The following LRP1B variants were observed in gnomAD, a reference collection of about 807,000 sequenced individuals.
The protein encoded by LRP1B is LDL receptor related protein 1B.
In LRP1B, 217 loss-of-function variants were observed where a neutral mutation model predicts 556.6. That is an observed-to-expected ratio of 0.39 (90% CI 0.35 to 0.44). The LOEUF (loss-of-function observed/expected upper bound fraction) is 0.44, where lower values mean the gene tolerates loss of function less well. Among genes scored for constraint, LRP1B ranks in the 20% least tolerant of loss-of-function variants. The probability of loss-of-function intolerance (pLI) is 1.00; values close to 1 mark genes in which losing one functional copy is unlikely to be tolerated. For missense variants in LRP1B, 5,053 were observed against 5,620.8 expected, an observed-to-expected ratio of 0.90 and a Z score of 3.23; for synonymous variants, 2,047 against 1,865.8, an observed-to-expected ratio of 1.10 and a Z score of -2.50.
chr2:141,980,134 C>G (rs748516375), intron 1 of LRP1B, among the ~76,000 whole-genome samples: 4 of 152,102 alleles, frequency 2.6e-5, no homozygotes, highest in African/African-American at 4.8e-5. Flanking sequence ...GAAACAGAAG[C>G]TGAACTGCTT....
intron 21 of LRP1B, among the ~76,000 whole-genome samples, chr2:140,919,540 C>G (rs1694676816): frequency 6.6e-6 from 1 of 152,006 alleles, no homozygotes. Context: ...CCAGTAATGC[C>G]TGCCTCCAGA....
At chr2:142,027,500 C>T (rs1170390889) in intron 1 of LRP1B, among the ~76,000 whole-genome samples, 1 of 151,598 alleles carries the variant, frequency 6.6e-6, no homozygotes, top group Non-Finnish European at 1.5e-5. Flanking sequence ...TGGGATAAAA[C>T]GTGAATGACA....
chr2:140,303,036 TA>T, intron 83 of LRP1B, among the ~76,000 whole-genome samples: 1 of 130,534 alleles, frequency 7.7e-6, no homozygotes, highest in Admixed American at 7.4e-5. Context: ...TATATATATA[TA>T]TATATATATA....
intron 3 of LRP1B, among the ~76,000 whole-genome samples, chr2:141,466,678 G>A (rs750835682): frequency 6.6e-6 from 1 of 152,016 alleles, no homozygotes; most frequent in Non-Finnish European, 1.5e-5. Context: ...GGCTGCAGTG[G>A]CCATTTTTTG....
At chr2:141,415,293 G>A (rs919657699) in intron 3 of LRP1B, among the ~76,000 whole-genome samples, 7 of 152,016 alleles carry the variant, frequency 4.6e-5, no homozygotes, top group South Asian at 4.1e-4. Flanking sequence ...GATTACAGGC[G>A]TGAGCCACCA....
chr2:140,568,874 A>T (rs939631445), intron 43 of LRP1B, among the ~76,000 whole-genome samples: 5 of 152,048 alleles, frequency 3.3e-5, no homozygotes, highest in Non-Finnish European at 7.4e-5. Flanking sequence ...CCAGCCAAAA[A>T]ATTATGCCAA....
At chr2:140,366,122 G>C (rs1682747971) in intron 71 of LRP1B, among the ~76,000 whole-genome samples, 1 of 151,670 alleles carries the variant, frequency 6.6e-6, no homozygotes, top group Admixed American at 6.6e-5. Flanking sequence ...GAAATGAAGA[G>C]AGAGACAGTA....
chr2:140,287,013 TGTTA>T (rs940785021), intron 84 of LRP1B, among the ~76,000 whole-genome samples: 6 of 151,910 alleles, frequency 3.9e-5, no homozygotes, highest in South Asian at 4.1e-4. Flanking sequence ...GAATACTGTT[TGTTA>T]GTTCATATAT....
At chr2:141,300,235 AG>A (rs1413227653) in intron 3 of LRP1B, among the ~76,000 whole-genome samples, 2 of 152,216 alleles carry the variant, frequency 1.3e-5, no homozygotes, top group Non-Finnish European at 2.9e-5. Context: ...CTGTGATATC[AG>A]CTAAAACTGA....
At chr2:140,368,725 G>A (rs948044916) in intron 71 of LRP1B, among the ~76,000 whole-genome samples, 1 of 151,742 alleles carries the variant, frequency 6.6e-6, no homozygotes, top group Admixed American at 6.6e-5. Context: ...TATCCTGATT[G>A]GAAATGAATA....
chr2:141,096,627 GGGGAGAGAGAGAGAGAGAGAGAGA>G (rs1197620162), intron 7 of LRP1B, among the ~76,000 whole-genome samples: 40 of 50,548 alleles, frequency 7.9e-4, no homozygotes, highest in Middle Eastern at 0.014. Flanking sequence ...ACGGGGAGAG[GGGGAGAGAGAGAGAGAGAGAGAGA>G]GAGAGAGAGA....
At chr2:140,389,517 AAACT>A (rs546307102) in intron 66 of LRP1B, among the ~76,000 whole-genome samples, 206 of 151,068 alleles carry the variant, frequency 1.4e-3, no homozygotes, top group African/African-American at 4.2e-3. Flanking sequence ...AAAATGAAAC[AAACT>A]AACAATGGTA....
At chr2:141,582,676 T>C (rs1385905375) in intron 2 of LRP1B, among the ~76,000 whole-genome samples, 4 of 151,990 alleles carry the variant, frequency 2.6e-5, no homozygotes, top group Non-Finnish European at 5.9e-5. Context: ...ACCATATGTG[T>C]TACAGTATTG....
chr2:141,991,631 A>G (rs1403759814), intron 1 of LRP1B, among the ~76,000 whole-genome samples: 1 of 152,054 alleles, frequency 6.6e-6, no homozygotes, highest in Non-Finnish European at 1.5e-5. Context: ...CTTAAAAATC[A>G]ATCTCAATAA....
At chr2:141,096,164 A>G (rs1216452393) in intron 7 of LRP1B, among the ~76,000 whole-genome samples, 1 of 152,188 alleles carries the variant, frequency 6.6e-6, no homozygotes, top group Admixed American at 6.5e-5. Flanking sequence ...ATATGTTATA[A>G]TAAATTAGGT....
At chr2:141,805,168 G>A (rs1696131006) in intron 2 of LRP1B, among the ~76,000 whole-genome samples, 1 of 152,054 alleles carries the variant, frequency 6.6e-6, no homozygotes, top group Non-Finnish European at 1.5e-5. Flanking sequence ...TAACAGAGAG[G>A]CTCAACTGGC....
At position 141,053,151 on chromosome 2, in the gene LRP1B, T is replaced by C. The variant is rs78273311; in HGVS notation, c.1552+1965A>G. Among the ~76,000 whole-genome samples, 805 of 152,120 alleles carry C rather than the reference T, an allele frequency of 5.3e-3. 8 individuals are homozygous for C. Among genetic ancestry groups the C allele is most frequent in the African/African-American group, 0.018 (761 of 41,530 alleles). Reference sequence around the variant, plus strand: ...GTGTGTCTTCTTGTACTACAGACAATTGAATAGTAAAAAATACATTTCACA... The same window carrying C: ...GTGTGTCTTCTTGTACTACAGACAACTGAATAGTAAAAAATACATTTCACA... On this transcript the variant is annotated intron_variant, in intron 10 of 90. Transcript: ENST00000389484.
At chr2:140,804,920 T>C (rs186109133) in intron 32 of LRP1B, among the ~76,000 whole-genome samples, 69 of 152,166 alleles carry the variant, frequency 4.5e-4, no homozygotes, top group African/African-American at 1.6e-3. Context: ...TGAATCTCCA[T>C]AGCAGCTATT....
At chr2:141,595,213 C>T (rs1027859425) in intron 2 of LRP1B, among the ~76,000 whole-genome samples, 19 of 151,926 alleles carry the variant, frequency 1.3e-4, no homozygotes, top group Admixed American at 9.2e-4. Context: ...TTAAATGTTG[C>T]TTTGTGAAGG....
Sources: allele counts gnomAD v4.1 joint callset (sites outside exome capture counted in the v4.1 genomes callset), GRCh38; gene constraint gnomAD v4.1.1; transcripts MANE v1.5; gene names NCBI Gene and HGNC (gene_info 2026-07-23, HGNC 2026-07-21).